The following ZNHIT6 variants were observed in gnomAD, a reference collection of about 807,000 sequenced individuals.
The protein encoded by ZNHIT6 is zinc finger HIT-type containing 6, also known as box C/D snoRNA protein 1.
ZNHIT6 carries 45 observed loss-of-function variants against 57.2 expected under a neutral mutation model. The observed-to-expected ratio is 0.79, with a 90% confidence interval of 0.62 to 1.01. The LOEUF (loss-of-function observed/expected upper bound fraction) is 1.01. ZNHIT6 is among the 50% of genes least tolerant of loss of function. The pLI is 0.00. For synonymous variants in ZNHIT6, 188 were observed against 190.0 expected (o/e 0.99, Z 0.09); for missense variants, 528 against 567.3 (o/e 0.93, Z 0.70).
At chr1:85,684,852 G>A (rs183943825) in intron 5 of ZNHIT6, among the ~76,000 whole-genome samples, 346 of 152,214 alleles carry the variant, frequency 2.3e-3, no homozygotes, top group Non-Finnish European at 3.9e-3. Flanking sequence ...GCAAATTTTC[G>A]TATGGGGAAT....
At chr1:85,668,777 T>A (rs1480266841) in intron 8 of ZNHIT6, among the ~76,000 whole-genome samples, 5 of 152,108 alleles carry the variant, frequency 3.3e-5, no homozygotes, top group Non-Finnish European at 5.9e-5. Flanking sequence ...AAATGTGATT[T>A]TAAAAAAATC....
intron 9 of ZNHIT6, among the ~76,000 whole-genome samples, chr1:85,655,003 G>C (rs1270322114): frequency 6.6e-6 from 1 of 152,074 alleles, no homozygotes; most frequent in Admixed American, 6.6e-5. Flanking sequence ...CAAGTTCCCT[G>C]GGGTTTGCTG....
chr1:85,659,366 T>C (rs1326747445), intron 8 of ZNHIT6, among the ~76,000 whole-genome samples: 3 of 152,210 alleles, frequency 2.0e-5, no homozygotes, highest in Non-Finnish European at 2.9e-5. Context: ...TCATTTCATG[T>C]CAAAGAAGAA....
At chr1:85,658,434 G>A (rs555208155) in intron 8 of ZNHIT6, among the ~76,000 whole-genome samples, 3 of 152,042 alleles carry the variant, frequency 2.0e-5, no homozygotes, top group Admixed American at 2.0e-4. Flanking sequence ...GTTTCACAGT[G>A]TTAGCTAGGA....
intron 5 of ZNHIT6, among the ~76,000 whole-genome samples, chr1:85,693,277 G>A (rs1662268223): frequency 6.6e-6 from 1 of 152,082 alleles, no homozygotes; most frequent in South Asian, 2.1e-4. Flanking sequence ...TTCAGATACT[G>A]GGATTATTTA....
intron 5 of ZNHIT6, among the ~76,000 whole-genome samples, chr1:85,683,095 T>C (rs1287471802): frequency 6.6e-6 from 1 of 152,164 alleles, no homozygotes; most frequent in Non-Finnish European, 1.5e-5. Context: ...CGTATGCCTA[T>C]AGTCCCAGCT....
At position 85,682,877 on chromosome 1, in the gene ZNHIT6, C is replaced by T. The variant is rs528634131; in HGVS notation, c.1020-1973G>A. 3.9e-5 allele frequency among the ~76,000 whole-genome samples: 6 copies of T among 152,268 alleles called. No homozygotes were observed. The East Asian group carries it at 1.2e-3, about 29-fold the overall frequency. On this transcript the variant is annotated intron_variant, in intron 5 of 9. Transcript: ENST00000370574. ...AACAGTAGATGATTCTTTATATGTA[C>T]TTTAACCCAAGGTGGGCAAACAGAA...
chr1:85,683,931 C>T (rs1661953262), intron 5 of ZNHIT6, among the ~76,000 whole-genome samples: 1 of 152,048 alleles, frequency 6.6e-6, no homozygotes, highest in Admixed American at 6.5e-5. Context: ...AACACTCATA[C>T]ACCCAGTTGT....
At chr1:85,688,489 T>C (rs563194277) in intron 5 of ZNHIT6, among the ~76,000 whole-genome samples, 1 of 152,364 alleles carries the variant, frequency 6.6e-6, no homozygotes, top group East Asian at 1.9e-4. Flanking sequence ...TCTGCCTCCA[T>C]ATTTTAAAAT....
At chr1:85,698,365 C>T (rs570551236) in intron 5 of ZNHIT6, among the ~76,000 whole-genome samples, 132 of 152,218 alleles carry the variant, frequency 8.7e-4, no homozygotes, top group African/African-American at 3.0e-3. Context: ...TTAGAATGAA[C>T]CTATCCCAGT....
chr1:85,677,370 G>C, intron 7 of ZNHIT6, 57 bp from the exon 8 acceptor site: 2 of 1,412,776 alleles, frequency 1.4e-6, no homozygotes. Context: ...TTTCAAGATA[G>C]TCTTATGGAG....
Position 85,708,418 on chromosome 1 carries a change from C to G in ZNHIT6, c.-134G>C. 1 of 1,147,082 alleles carries G rather than the reference C, an allele frequency of 8.7e-7. No individual in the cohort carries two copies. Among genetic ancestry groups the G allele is most frequent in the Non-Finnish European group, 1.2e-6 (1 of 827,542 alleles). 71.1% of individuals were successfully genotyped at this position (1,147,082 alleles called of 1,614,324 possible). A position where few individuals can be genotyped will look rare whatever the true frequency, so the allele number is the denominator to read the frequency against. On this transcript the variant is annotated 5_prime_UTR_variant, in exon 1 of 10. Coordinates refer to ENST00000370574, the MANE Select transcript of ZNHIT6 (RefSeq NM_017953.4). ...CCAAGCAGCCACAAACCCGGAATAG[C>G]CTGCTTGACGCGACTGCTCGAATCG...
rs1156795211 is a variant in ZNHIT6, at chr1:85,667,947, C to CAAAAAAAA, written c.1247+9281_1247+9288dup. ...AGACTCATTCACTCACTCTCTCTTT[C>CAAAAAAAA]AAAAAAAAAAAAAAATATATATATA... On this transcript the variant is annotated intron_variant, in intron 8 of 9. Transcript: ENST00000370574. Among the ~76,000 whole-genome samples the CAAAAAAAA allele has an allele frequency of 6.5e-4, 6 of 9,262 alleles. 1 individual carries two copies. Among genetic ancestry groups the CAAAAAAAA allele is most frequent in the Admixed American group, 1.9e-3 (2 of 1,052 alleles). 6.1% of individuals were successfully genotyped at this position (9,262 alleles called of 152,430 possible).
intron 8 of ZNHIT6, among the ~76,000 whole-genome samples, chr1:85,660,487 A>T (rs1281853154): frequency 6.6e-6 from 1 of 152,184 alleles, no homozygotes; most frequent in Admixed American, 6.5e-5. Flanking sequence ...GCTGAAACCA[A>T]GAAGCAACAA....
rs150394308 is a variant in ZNHIT6 at position 85,664,564 on chromosome 1, T to C, written c.1248-6593A>G. On this transcript the variant is annotated intron_variant, in intron 8 of 9. Transcript: ENST00000370574. ...AAACCAAATGCCACATGTTCTCACT[T>C]ATAAGTGGGAGCTAAATGATGAGAA... 8.7e-3 allele frequency among the ~76,000 whole-genome samples: 1,320 copies of C among 152,192 alleles called. 19 individuals carry two copies. Among genetic ancestry groups the C allele is most frequent in the African/African-American group, 0.03 (1,250 of 41,502 alleles).
At chr1:85,661,945 G>A (rs1661233150) in intron 8 of ZNHIT6, among the ~76,000 whole-genome samples, 1 of 152,054 alleles carries the variant, frequency 6.6e-6, no homozygotes, top group African/African-American at 2.4e-5. Context: ...AGGTTCACTG[G>A]CTGACCCTGC....
chr1:85,678,017 T>C (rs1224730257), intron 7 of ZNHIT6, among the ~76,000 whole-genome samples: 3 of 133,858 alleles, frequency 2.2e-5, no homozygotes, highest in Non-Finnish European at 3.4e-5. Context: ...ATCTAGGAAG[T>C]GTTATCATTC....
chr1:85,696,901 G>A lies in ZNHIT6; in HGVS notation c.1019+5256C>T, dbSNP rs1365808572. On this transcript the variant is annotated intron_variant, in intron 5 of 9. Coordinates refer to ENST00000370574, the MANE Select transcript of ZNHIT6 (RefSeq NM_017953.4). ...AGAGTCTGGCTCTGTCTCCCTGGCT[G>A]GAGTGCTGGAGTGCAGTGGCGCAAT... Among the ~76,000 whole-genome samples, 4 of 136,586 alleles carry A rather than the reference G, an allele frequency of 2.9e-5. No individual in the cohort carries two copies. In the East Asian group the frequency reaches 8.5e-4, roughly 29 times the overall value. The allele number at this position is 136,586 out of a possible 152,430, so 89.6% of individuals were successfully genotyped here. A position where few individuals can be genotyped will look rare whatever the true frequency, so the allele number is the denominator to read the frequency against.
chr1:85,667,393 G>A (rs185642773), intron 8 of ZNHIT6, among the ~76,000 whole-genome samples: 6 of 152,070 alleles, frequency 3.9e-5, no homozygotes, highest in Non-Finnish European at 7.4e-5. Context: ...TGTGTGTTTG[G>A]GAAAACTTAT....
Sources: gnomAD v4.1 joint callset for allele counts (sites outside exome capture counted in the v4.1 genomes callset) on GRCh38, gnomAD v4.1.1 for gene constraint, MANE v1.5 for transcripts, NCBI Gene and HGNC (gene_info 2026-07-23, HGNC 2026-07-21) for gene names.